Variants in KIF3A observed in about 807,000 individuals in gnomAD.
The protein encoded by KIF3A is kinesin family member 3A.
Under a neutral mutation model 92.6 loss-of-function variants are expected in KIF3A, and 27 were observed. The observed-to-expected ratio is 0.29, with a 90% confidence interval of 0.21 to 0.40. KIF3A has a LOEUF of 0.40. Ranked by LOEUF, KIF3A falls within the 10% of genes least tolerant of loss-of-function variation. The pLI is 1.00. For missense variants in KIF3A, 581 were observed against 872.6 expected (o/e 0.67, Z 4.21); for synonymous variants, 250 against 275.4 (o/e 0.91, Z 0.92).
At chr5:132,727,304 G>C (rs148001445) in intron 2 of KIF3A, among the ~76,000 whole-genome samples, 23 of 152,324 alleles carry the variant, frequency 1.5e-4, no homozygotes, top group African/African-American at 5.5e-4. Context: ...ATCTTATGAT[G>C]TGTATAATCT....
chr5:132,710,368 G>C (rs1240170540), intron 9 of KIF3A, among the ~76,000 whole-genome samples: 1 of 152,180 alleles, frequency 6.6e-6, no homozygotes, highest in African/African-American at 2.4e-5. Flanking sequence ...TGTAGTCCCA[G>C]CACTTTGGGA....
At chr5:132,701,052 C>T (rs1753018277) in intron 15 of KIF3A, among the ~76,000 whole-genome samples, 1 of 150,922 alleles carries the variant, frequency 6.6e-6, no homozygotes, top group Non-Finnish European at 1.5e-5. Flanking sequence ...TACAAAATAA[C>T]TAAATAAAAG....
intron 8 of KIF3A, among the ~76,000 whole-genome samples, chr5:132,713,853 G>A (rs372317436): frequency 5.2e-4 from 77 of 147,854 alleles, no homozygotes; most frequent in African/African-American, 1.8e-3. Flanking sequence ...AATGAAATAA[G>A]CCAGTCACAA....
chr5:132,708,521 T>A (rs1160668009), intron 10 of KIF3A, among the ~76,000 whole-genome samples: 2 of 152,176 alleles, frequency 1.3e-5, no homozygotes, highest in African/African-American at 4.8e-5. Flanking sequence ...ACTTCAAATA[T>A]AATTTGTACT....
At chr5:132,708,014 T>C (rs929561809) in intron 10 of KIF3A, among the ~76,000 whole-genome samples, 2 of 152,204 alleles carry the variant, frequency 1.3e-5, no homozygotes, top group Non-Finnish European at 2.9e-5. Context: ...CCGGGCGCAG[T>C]GGCTCACGCC....
At chr5:132,712,678 C>T (rs930013542) in intron 8 of KIF3A, among the ~76,000 whole-genome samples, 1 of 152,218 alleles carries the variant, frequency 6.6e-6, no homozygotes, top group Non-Finnish European at 1.5e-5. Flanking sequence ...ATGTTAATTA[C>T]GAATGGAAAC....
chr5:132,717,346 T>C (rs139710123), intron 5 of KIF3A, among the ~76,000 whole-genome samples: 465 of 152,096 alleles, frequency 3.1e-3, no homozygotes, highest in Non-Finnish European at 5.4e-3. Flanking sequence ...CTGCAGGAAG[T>C]AAAAAACAAT....
At chr5:132,698,036 C>T (rs753807340) in intron 18 of KIF3A, 3 of 152,108 alleles carry the variant, frequency 2.0e-5, no homozygotes, top group African/African-American at 7.2e-5. Context: ...AGTTTTTAAC[C>T]CCTCACCTAA....
At chr5:132,710,758 AC>A (rs1014364766) in intron 9 of KIF3A, among the ~76,000 whole-genome samples, 200 bp downstream of exon 9, 1 of 152,236 alleles carries the variant, frequency 6.6e-6, no homozygotes, top group Non-Finnish European at 1.5e-5. Context: ...TTCTAAAAAA[AC>A]AGAACATATA....
chr5:132,714,035 T>C (rs1410181263), intron 8 of KIF3A, among the ~76,000 whole-genome samples: 2 of 152,006 alleles, frequency 1.3e-5, no homozygotes, highest in Non-Finnish European at 2.9e-5. Context: ...TAGCTGGGAT[T>C]ACAGGCGAGA....
chr5:132,714,896 C>T (rs1753564377), intron 8 of KIF3A, among the ~76,000 whole-genome samples: 1 of 152,182 alleles, frequency 6.6e-6, no homozygotes, highest in Non-Finnish European at 1.5e-5. Context: ...AACATACTGG[C>T]TATAAATACC....
At position 132,731,773 on chromosome 5, in the gene KIF3A, C is replaced by T. The variant is rs192469236; in HGVS notation, c.280+2432G>A. 1.5e-3 allele frequency among the ~76,000 whole-genome samples: 225 copies of T among 151,708 alleles called. 1 individual carries two copies. The highest frequency in any genetic ancestry group is 4.7e-3 in the African/African-American group (195 of 41,330). ...TCACCCAGGCTGGAGTGCAATGGCA[C>T]GATCTTGGTTCACTGCAACCTCCGC... On this transcript the variant is annotated intron_variant, in intron 2 of 18. Transcript: ENST00000403231.
intron 4 of KIF3A, among the ~76,000 whole-genome samples, chr5:132,722,073 T>C (rs569019559): frequency 2.6e-5 from 4 of 152,218 alleles, no homozygotes; most frequent in Admixed American, 6.5e-5. Flanking sequence ...CAATGTCAAA[T>C]TGCTATGGAA....
chr5:132,717,027 T>C lies in KIF3A; in HGVS notation c.617-43A>G, dbSNP rs758988442. Reference sequence around the variant, plus strand: ...AATCCTTTAAAAGTGTAACAGAGAGTGCCTTTAAAAATAATTAAACATCCT... The same window carrying C: ...AATCCTTTAAAAGTGTAACAGAGAGCGCCTTTAAAAATAATTAAACATCCT... On this transcript the variant is annotated intron_variant, in intron 5 of 18. Coordinates refer to ENST00000403231, the MANE Select transcript of KIF3A (RefSeq NM_001300791.2). 3.2e-6 allele frequency: 5 copies of C among 1,585,316 alleles called. No homozygotes were observed. The South Asian group carries it at 4.5e-5, about 14-fold the overall frequency.
downstream of KIF3A, among the ~76,000 whole-genome samples, chr5:132,691,836 A>C (rs1752672258): frequency 6.6e-6 from 1 of 152,078 alleles, no homozygotes; most frequent in Admixed American, 6.5e-5. Flanking sequence ...CAGGAGGTGG[A>C]GGTTGCAGTG....
chr5:132,730,962 C>T (rs1204151979), intron 2 of KIF3A, among the ~76,000 whole-genome samples: 1 of 152,020 alleles, frequency 6.6e-6, no homozygotes, highest in East Asian at 1.9e-4. Flanking sequence ...CAGAGTGAGA[C>T]CCTGATTTAA....
At chr5:132,707,616 A>G (rs1561695527) in intron 10 of KIF3A, among the ~76,000 whole-genome samples, 1 of 152,214 alleles carries the variant, frequency 6.6e-6, no homozygotes, top group Non-Finnish European at 1.5e-5. Flanking sequence ...AGTATTTTAC[A>G]AATTATCCTT....
chr5:132,711,626 T>C (rs987459961), intron 8 of KIF3A, among the ~76,000 whole-genome samples: 1 of 151,962 alleles, frequency 6.6e-6, no homozygotes, highest in Admixed American at 6.6e-5. Context: ...CATTTCTTTA[T>C]GTATAATTTT....
chr5:132,718,713 G>A (rs1395138643), intron 5 of KIF3A, among the ~76,000 whole-genome samples: 4 of 152,084 alleles, frequency 2.6e-5, no homozygotes, highest in African/African-American at 9.7e-5. Flanking sequence ...TGCAACCTCT[G>A]CCTCCCAGGT....
Sources: allele counts gnomAD v4.1 joint callset (sites outside exome capture counted in the v4.1 genomes callset), GRCh38; gene constraint gnomAD v4.1.1; transcripts MANE v1.5; gene names NCBI Gene and HGNC (gene_info 2026-07-23, HGNC 2026-07-21).